The following TJP1 variants were observed in gnomAD, a reference collection of about 807,000 sequenced individuals.
The protein encoded by TJP1 is tight junction protein 1, also known as tight junction protein ZO-1.
TJP1 carries 43 observed loss-of-function variants against 194.2 expected under a neutral mutation model. The ratio of observed to expected loss-of-function variants is 0.22; its 90% CI spans 0.17 to 0.29. The LOEUF is 0.29. Among genes scored for constraint, TJP1 ranks in the 10% least tolerant of loss-of-function variants. The pLI is 1.00. For synonymous variants in TJP1, 801 were observed against 779.0 expected (o/e 1.03, Z -0.47); for missense variants, 1,971 against 2,185.7 (o/e 0.90, Z 1.96).
chr15:29,771,259 T>C (rs1365977436), intron 4 of TJP1, among the ~76,000 whole-genome samples: 4 of 151,966 alleles, frequency 2.6e-5, no homozygotes, highest in Non-Finnish European at 2.9e-5. Flanking sequence ...TATAGCCTAC[T>C]ACACATCTAG....
chr15:29,728,185 C>CTTT (rs201486703), intron 15 of TJP1, 166 bp from the exon 16 acceptor site: 2 of 354,902 alleles, frequency 5.6e-6, no homozygotes, highest in Non-Finnish European at 1.0e-5. Context: ...GCATACTTCC[C>CTTT]TTTTTTTTTT....
intron 1 of TJP1, among the ~76,000 whole-genome samples, chr15:29,806,370 G>A (rs528668876): frequency 6.6e-6 from 1 of 152,246 alleles, no homozygotes; most frequent in South Asian, 2.1e-4. Context: ...CAAAGCTTAA[G>A]ATCCCTCAAT....
chr15:29,804,427 A>G (rs1177975796), intron 1 of TJP1, among the ~76,000 whole-genome samples: 1 of 152,168 alleles, frequency 6.6e-6, no homozygotes, highest in Non-Finnish European at 1.5e-5. Flanking sequence ...GTACCAGTAA[A>G]TTTATTAACC....
intron 1 of TJP1, among the ~76,000 whole-genome samples, chr15:29,809,997 T>C (rs2049381426): frequency 6.6e-6 from 1 of 152,230 alleles, no homozygotes; most frequent in Non-Finnish European, 1.5e-5. Flanking sequence ...ATCTCTTCTC[T>C]GAAATGCTTC....
In TJP1 at chr15:29,716,786, A is replaced by C. The variant is rs745600934; in HGVS notation, c.4027T>G (p.Ser1343Ala). The C allele has an allele frequency of 1.9e-6, 3 of 1,613,026 alleles. No homozygotes were observed. In the South Asian group the frequency reaches 3.3e-5, roughly 18 times the overall value. Reference sequence around the variant, plus strand: ...TCTTCTTCAGGGTCATAATGATTGGACCGAACAATATCTTCAGGTGGCTTC... The same window carrying C: ...TCTTCTTCAGGGTCATAATGATTGGCCCGAACAATATCTTCAGGTGGCTTC... ...QLKPPEDIVRSNHYDPEEDEE... is the reference protein window; with the variant it reads ...QLKPPEDIVRANHYDPEEDEE... Residue 1343 changes from serine (S) to alanine (A), a missense_variant, in exon 23 of 28, where the codon TCC becomes GCC. Physicochemically the swap from Ser to Ala is moderately conservative, Grantham distance 99. Coordinates refer to ENST00000614355, the MANE Select transcript of TJP1 (RefSeq NM_001330239.4).
intron 2 of TJP1, among the ~76,000 whole-genome samples, chr15:29,909,162 A>G (rs2053932497): frequency 6.7e-6 from 1 of 149,534 alleles, no homozygotes; most frequent in South Asian, 2.2e-4. Context: ...ATCTCAAAAA[A>G]AAAAAAAAAG....
intron 1 of TJP1, chr15:29,821,502 T>C (rs1234366778): frequency 1.3e-5 from 2 of 152,262 alleles, no homozygotes; most frequent in East Asian, 1.9e-4. Flanking sequence ...CAAAGCCTTA[T>C]CGCTGGCGTG....
At chr15:29,821,797 C>A (rs1275571916) in intron 1 of TJP1, among the ~76,000 whole-genome samples, 1 of 147,930 alleles carries the variant, frequency 6.8e-6, no homozygotes, top group East Asian at 2.0e-4. Context: ...CCCGGCCGCC[C>A]CCAGTGCGGC....
At chr15:29,821,276 T>G (rs916328379) in intron 1 of TJP1, 2 of 152,204 alleles carry the variant, frequency 1.3e-5, no homozygotes. Flanking sequence ...AAACGTTACT[T>G]TTTTCGGCTG....
chr15:29,949,567 T>C (rs371343625), intron 2 of TJP1, among the ~76,000 whole-genome samples: 2,192 of 10,210 alleles, frequency 0.21, 3 homozygotes, highest in South Asian at 0.27. Context: ...CCACCTCCAC[T>C]TCCACAACCA....
chr15:29,877,481 A>C (rs969702943), intron 2 of TJP1, among the ~76,000 whole-genome samples: 1 of 151,982 alleles, frequency 6.6e-6, no homozygotes, highest in Non-Finnish European at 1.5e-5. Flanking sequence ...TTGGCCTCCC[A>C]AAGTGCTGGG....
chr15:29,721,905 T>C (rs537234106), intron 18 of TJP1, among the ~76,000 whole-genome samples: 5 of 152,284 alleles, frequency 3.3e-5, no homozygotes, highest in Admixed American at 1.3e-4. Context: ...CTGTGGAACT[T>C]TGAACTTGAG....
At chr15:29,848,232 T>C (rs1367006756) in intron 2 of TJP1, among the ~76,000 whole-genome samples, 2 of 152,148 alleles carry the variant, frequency 1.3e-5, no homozygotes, top group Non-Finnish European at 2.9e-5. Context: ...CAGATCCTCT[T>C]AGATTGTGTT....
intron 2 of TJP1, among the ~76,000 whole-genome samples, chr15:29,842,573 G>A (rs188427659): frequency 6.6e-6 from 1 of 152,292 alleles, no homozygotes; most frequent in African/African-American, 2.4e-5. Flanking sequence ...AACCTACAGA[G>A]ACATGGGGAG....
chr15:29,803,255 C>T (rs745809131), intron 1 of TJP1, among the ~76,000 whole-genome samples: 2 of 152,100 alleles, frequency 1.3e-5, no homozygotes, highest in Non-Finnish European at 1.5e-5. Context: ...TTTGACATTT[C>T]GAATACAGAC....
chr15:29,846,892 C>G (rs2051432253), intron 2 of TJP1, among the ~76,000 whole-genome samples: 1 of 151,704 alleles, frequency 6.6e-6, no homozygotes, highest in African/African-American at 2.4e-5. Flanking sequence ...TGCCACTGCA[C>G]TCCAGCCTGG....
chr15:29,789,882 A>G (rs2047957222), intron 2 of TJP1, among the ~76,000 whole-genome samples: 1 of 152,206 alleles, frequency 6.6e-6, no homozygotes, highest in Non-Finnish European at 1.5e-5. Context: ...GTGTTTCTTA[A>G]AAGTGGGATG....
chr15:29,949,489 CTCCACCTCCACA>C, intron 2 of TJP1, among the ~76,000 whole-genome samples: 1 of 145,416 alleles, frequency 6.9e-6, no homozygotes, highest in Non-Finnish European at 1.5e-5. Context: ...CAACCACCAC[CTCCACCTCCACA>C]ACCACCACCT....
chr15:29,718,291 T>A lies in TJP1; in HGVS notation c.3851A>T (p.Asp1284Val), dbSNP rs1369346341. ...CTTAAAACTGCCAGTGTCATTTACA[T>A]CCTTCTTGGTCTCTAAGGATGCAGA... is the stretch of plus-strand genomic sequence containing the variant. ...KRSASLETKK[D>V]VNDTGSFKPP... Residue 1284 changes from aspartate (D) to valine (V), a missense_variant, in exon 21 of 28, where the codon GAT becomes GTT. Asp to Val is a radical substitution (Grantham distance 152). Coordinates refer to ENST00000614355, the MANE Select transcript of TJP1 (RefSeq NM_001330239.4). 1.5e-5 allele frequency: 25 copies of A among 1,613,628 alleles called. No individual in the cohort carries two copies. Among genetic ancestry groups the A allele is most frequent in the African/African-American group, 2.7e-5 (2 of 74,858 alleles).
Sources: allele counts gnomAD v4.1 joint callset (sites outside exome capture counted in the v4.1 genomes callset), GRCh38; gene constraint gnomAD v4.1.1; transcripts MANE v1.5; gene names NCBI Gene and HGNC (gene_info 2026-07-23, HGNC 2026-07-21).